Variants in DLG3 observed in about 807,000 individuals in gnomAD.
The protein encoded by DLG3 is discs large MAGUK scaffold protein 3.
A neutral mutation model predicts 64.1 loss-of-function variants in DLG3; 1 was observed. The observed-to-expected ratio is 0.02, with a 90% confidence interval of 0.01 to 0.07. The LOEUF (loss-of-function observed/expected upper bound fraction) is 0.07. Ranked by LOEUF, DLG3 falls within the 10% of genes least tolerant of loss-of-function variation. DLG3 has a pLI of 1.00. For missense variants in DLG3, 429 were observed against 669.5 expected (o/e 0.64, Z 3.96); for synonymous variants, 245 against 259.8 (o/e 0.94, Z 0.55).
intron 7 of DLG3, chrX:70,452,705 G>A (rs746231348): frequency 2.5e-6 from 3 of 1,202,188 alleles, no homozygotes; most frequent in Admixed American, 4.4e-5. Flanking sequence ...GGAGGGCTTC[G>A]CAGAGGTGGG....
intron 14 of DLG3, among the ~76,000 whole-genome samples, chrX:70,498,889 T>C (rs1433534252): frequency 1.8e-5 from 2 of 112,507 alleles, no homozygotes; most frequent in Admixed American, 1.9e-4. Flanking sequence ...TTCCCTTCAG[T>C]GGCTGCTCTG....
intron 8 of DLG3, 53 bp downstream of exon 8, chrX:70,453,846 G>A (rs955317664): frequency 9.5e-7 from 1 of 1,048,414 alleles, no homozygotes; most frequent in Admixed American, 3.0e-5. Flanking sequence ...GTCTAAAATG[G>A]AGAGCGAGAG....
intron 9 of DLG3, among the ~76,000 whole-genome samples, chrX:70,455,467 T>G (rs781595089): frequency 5.5e-5 from 6 of 109,937 alleles, no homozygotes; most frequent in Admixed American, 1.9e-4. Context: ...CCCCTCACCC[T>G]ACACTGGGCC....
At chrX:70,480,286 G>A (rs1330611716) in intron 10 of DLG3, among the ~76,000 whole-genome samples, 1 of 112,266 alleles carries the variant, frequency 8.9e-6, no homozygotes, top group Non-Finnish European at 1.9e-5. Flanking sequence ...TGTCCTTGGG[G>A]TGTGAGAGGA....
intron 12 of DLG3, chrX:70,493,522 C>T (rs1569293346): frequency 9.2e-7 from 1 of 1,082,475 alleles, no homozygotes; most frequent in Non-Finnish European, 1.3e-6. Flanking sequence ...CAGCCCCATC[C>T]TCTCATCCTC....
At chrX:70,501,922 A>G (rs918196457) in intron 18 of DLG3, among the ~76,000 whole-genome samples, 8 of 111,327 alleles carry the variant, frequency 7.2e-5, no homozygotes, top group African/African-American at 2.6e-4. Context: ...TCACTGTCTC[A>G]GTGAGTTGAC....
In DLG3 at chrX:70,449,818, C is replaced by A. The variant is rs758870192; in HGVS notation, c.662C>A (p.Pro221His). The stretch of plus-strand genomic sequence containing the variant: ...GTGGTGCGGAGGCGACAGCCTCCAC[C>A]CGAGACCATCATGGAGGTCAACCTG... ...RLVVRRRQPP[P>H]ETIMEVNLLK... Residue 221 changes from proline to histidine, a missense_variant, in exon 4 of 19, where the codon CCC (proline) becomes CAC (histidine). Physicochemically the swap from Pro to His is moderately conservative, Grantham distance 77. Transcript: ENST00000374360. The A allele has an allele frequency of 8.4e-7, 1 of 1,196,593 alleles. No individual in the cohort carries two copies. The highest frequency in any genetic ancestry group is 1.8e-5 in the South Asian group (1 of 54,806).
At chrX:70,495,030 A>G (rs148079253) in intron 12 of DLG3, among the ~76,000 whole-genome samples, 85 of 111,827 alleles carry the variant, frequency 7.6e-4, no homozygotes, top group African/African-American at 2.7e-3. Flanking sequence ...AATTTAGTCA[A>G]AGCAGGTGCT....
chrX:70,487,692 C>T (rs1337745477), intron 10 of DLG3, among the ~76,000 whole-genome samples: 1 of 112,505 alleles, frequency 8.9e-6, no homozygotes, highest in Non-Finnish European at 1.9e-5. Context: ...GCTCTTGTCG[C>T]CCAGGCTGGA....
intron 9 of DLG3, chrX:70,454,986 C>T (rs1195647311): frequency 1.3e-6 from 1 of 743,864 alleles, no homozygotes; most frequent in African/African-American, 2.3e-5. Flanking sequence ...CGGGAAGGCG[C>T]GCCCTAGCCT....
intron 9 of DLG3, among the ~76,000 whole-genome samples, chrX:70,457,738 A>T (rs1457013591): frequency 9.2e-6 from 1 of 108,916 alleles, no homozygotes; most frequent in African/African-American, 3.4e-5. Context: ...CGCCCGGCTA[A>T]TTTTTTGTAT....
intron 9 of DLG3, among the ~76,000 whole-genome samples, chrX:70,460,209 G>A (rs1278401839): frequency 9.3e-6 from 1 of 107,611 alleles, no homozygotes; most frequent in African/African-American, 3.4e-5. Context: ...CTTGAACCCG[G>A]GAGGTGGAGG....
Position 70,449,922 on chromosome X carries a change from C to T in DLG3, c.703+63C>T, listed in dbSNP as rs949217045. ...TTAGGCCCCAGATCCCATCTTGCCC[C>T]ATAGGGAATTGGAAGGGAATGGCCT... On this transcript the variant is annotated intron_variant, in intron 4 of 18. Transcript: ENST00000374360. The T allele has an allele frequency of 2.0e-5, 23 of 1,135,986 alleles. No individual in the cohort carries two copies. The African/African-American group carries it at 3.3e-4, about 16-fold the overall frequency. 93.6% of individuals were successfully genotyped at this position (1,135,986 alleles called of 1,213,427 possible).
At chrX:70,452,253 G>A in intron 7 of DLG3, 1 of 1,073,067 alleles carries the variant, frequency 9.3e-7, no homozygotes, top group Non-Finnish European at 1.2e-6. Flanking sequence ...TGCCGAGTGA[G>A]TGGCCCCGGT....
intron 10 of DLG3, among the ~76,000 whole-genome samples, chrX:70,488,975 A>G (rs1318881814): frequency 2.7e-5 from 3 of 112,240 alleles, no homozygotes; most frequent in Non-Finnish European, 5.6e-5. Context: ...CTTGGGTACC[A>G]TTTTTTATTG....
At chrX:70,480,694 A>T (rs770037538) in intron 10 of DLG3, among the ~76,000 whole-genome samples, 5 of 112,577 alleles carry the variant, frequency 4.4e-5, no homozygotes, top group African/African-American at 6.5e-5. Context: ...GGTAATGGTT[A>T]TATGACTTGG....
chrX:70,461,785 C>T (rs1319739736), intron 9 of DLG3, among the ~76,000 whole-genome samples: 1 of 111,242 alleles, frequency 9.0e-6, no homozygotes, highest in Non-Finnish European at 1.9e-5. Flanking sequence ...GTCTTGAACT[C>T]CTGACCTCAG....
chrX:70,478,162 G>A (rs1257636950), intron 9 of DLG3, among the ~76,000 whole-genome samples: 1 of 112,198 alleles, frequency 8.9e-6, no homozygotes, highest in East Asian at 2.8e-4. Context: ...CATTTTATGC[G>A]GCAATTATAG....
At chrX:70,469,574 C>G (rs779073100) in intron 9 of DLG3, among the ~76,000 whole-genome samples, 1 of 108,572 alleles carries the variant, frequency 9.2e-6, no homozygotes, top group Non-Finnish European at 1.9e-5. Flanking sequence ...TCCTGAGTAG[C>G]TGGCATTACA....
Sources: allele counts gnomAD v4.1 joint callset (sites outside exome capture counted in the v4.1 genomes callset), GRCh38; gene constraint gnomAD v4.1.1; transcripts MANE v1.5; gene names NCBI Gene and HGNC (gene_info 2026-07-23, HGNC 2026-07-21).